LTBP4: variants seen among roughly 807,000 people sequenced by gnomAD.
LTBP4 encodes the protein latent transforming growth factor beta binding protein 4, also known as latent-transforming growth factor beta-binding protein 4.
In LTBP4, 93 loss-of-function variants were observed where a neutral mutation model predicts 180.2. The ratio of observed to expected loss-of-function variants is 0.52; its 90% CI spans 0.44 to 0.61. The LOEUF (loss-of-function observed/expected upper bound fraction) is 0.61, where lower values mean the gene tolerates loss of function less well. Among genes scored for constraint, LTBP4 ranks in the 20% least tolerant of loss-of-function variants. LTBP4 has a pLI of 0.00. For synonymous variants in LTBP4, 947 were observed against 934.5 expected, an observed-to-expected ratio of 1.01 and a Z score of -0.24; for missense variants, 2,116 against 2,256.5, an observed-to-expected ratio of 0.94 and a Z score of 1.26.
Position 40,613,522 on chromosome 19 carries a change from T to C in LTBP4, c.2550T>C (p.Ser850=), listed in dbSNP as rs1189819502. Residue 850 remains serine (S), a synonymous_variant, in exon 17 of 30, where the codon TCT becomes TCC. Coordinates refer to ENST00000396819, the MANE Select transcript of LTBP4 (RefSeq NM_001042545.2). The surrounding 1 kb of genome is among the most constrained non-coding windows in gnomAD (Gnocchi z 5.0). ...ACCGACCCGGACCCCGCGGAGCCTC[T>C]TGCCTCGGTTCGTACCCGGGCTGAT... ...PGYRPGPRGA[S]CLDVDECSEE... 3 of 1,568,346 alleles carry C rather than the reference T, an allele frequency of 1.9e-6. No homozygotes were observed. Among genetic ancestry groups the C allele is most frequent in the East Asian group, 4.7e-5 (2 of 42,258 alleles).
rs2146024817 is a variant in LTBP4, at chr19:40,608,250, C to T, written c.1187C>T (p.Pro396Leu). Reference sequence around the variant, plus strand: ...TTCCGGGAGATCTGCCCGGCTGGTCCTGGTTACCACTACTCGGCCTCCGAC... The same window carrying T: ...TTCCGGGAGATCTGCCCGGCTGGTCTTGGTTACCACTACTCGGCCTCCGAC... ...EGFREICPAGPGYHYSASDLR... is the reference protein window; with the variant it reads ...EGFREICPAGLGYHYSASDLR... Residue 396 changes from proline (P) to leucine (L), a missense_variant, in exon 8 of 30, where the codon CCT becomes CTT. Coordinates refer to ENST00000396819, the MANE Select transcript of LTBP4 (RefSeq NM_001042545.2). The T allele has an allele frequency of 6.2e-7, 1 of 1,613,980 alleles. No individual in the cohort carries two copies. Among genetic ancestry groups the T allele is most frequent in the Admixed American group, 1.7e-5 (1 of 60,024 alleles).
chr19:40,627,299 A>C lies in LTBP4; in HGVS notation c.4310A>C (p.Asp1437Ala), dbSNP rs1442538960. Reference protein sequence around the residue: ...PGTRWPYRSRDTRRSFPEPEE... With the variant: ...PGTRWPYRSRATRRSFPEPEE... ...ACCCGCTGGCCCTATCGGTCCCGGG[A>C]CACCCGCCGCTCCTTCCCAGAGCCC... is the stretch of plus-strand genomic sequence containing the variant. Residue 1437 changes from aspartate to alanine, a missense_variant, in exon 28 of 30, where the codon GAC becomes GCC. Asp to Ala is a moderately radical substitution (Grantham distance 126). Coordinates refer to ENST00000396819, the MANE Select transcript of LTBP4 (RefSeq NM_001042545.2). 1 of 1,494,436 alleles carries C rather than the reference A, an allele frequency of 6.7e-7. No individual in the cohort carries two copies. Among genetic ancestry groups the C allele is most frequent in the Admixed American group, 2.0e-5 (1 of 49,432 alleles). The allele number at this position is 1,494,436 out of a possible 1,614,324, so 92.6% of individuals were successfully genotyped here. A position where few individuals can be genotyped will look rare whatever the true frequency, so the allele number is the denominator to read the frequency against.
At chr19:40,597,859 C>A (rs1427721563), upstream of LTBP4, among the ~76,000 whole-genome samples, 1 of 147,416 alleles carries the variant, frequency 6.8e-6, no homozygotes, top group Non-Finnish European at 1.5e-5. Context: ...TTGGGTTTTT[C>A]GAATTGGTCA....
chr19:40,609,481 G>A lies in LTBP4; in HGVS notation c.1427-49G>A. ...GGTGGGGGTTTTACTGGGATGAAAG[G>A]AACGGAGGATTCAGAGATGGGGGAA... On this transcript the variant is annotated intron_variant, in intron 9 of 29. Transcript: ENST00000396819. The surrounding 1 kb of genome is among the most constrained non-coding windows in gnomAD (Gnocchi z 4.9). 6.3e-7 allele frequency: 1 copy of A among 1,599,452 alleles called. No individual in the cohort carries two copies. The highest frequency in any genetic ancestry group is 8.6e-7 in the Non-Finnish European group (1 of 1,169,156).
chr19:40,601,270 G>T (rs931233096), upstream of LTBP4: 221 of 817,094 alleles, frequency 2.7e-4, 1 homozygote, highest in African/African-American at 4.0e-3. Flanking sequence ...AGGGAGTGGT[G>T]AGGAGGGGGG....
At chr19:40,616,378 G>T (rs2081549269) in intron 19 of LTBP4, among the ~76,000 whole-genome samples, 1 of 151,114 alleles carries the variant, frequency 6.6e-6, no homozygotes, top group South Asian at 2.1e-4. Context: ...ATTGCCTGAG[G>T]TCAGAAGTTC....
chr19:40,597,374 C>G (rs1420778683), upstream of LTBP4: 14 of 1,516,422 alleles, frequency 9.2e-6, no homozygotes, highest in Non-Finnish European at 1.1e-5. Flanking sequence ...CCCAGCCGCC[C>G]GGCCAGGTAA....
In LTBP4 at chr19:40,608,265, C is replaced by T. The variant is rs375349461; in HGVS notation, c.1202C>T (p.Ser401Leu). The stretch of plus-strand genomic sequence containing the variant: ...CCGGCTGGTCCTGGTTACCACTACT[C>T]GGCCTCCGACCTCCGCTACAACACC... ...ICPAGPGYHY[S>L]ASDLRYNTRP... The change falls in exon 8 of 30, where the codon TCG becomes TTG. Residue 401 changes from serine (S) to leucine (L), a missense_variant. Physicochemically the swap from Ser to Leu is moderately radical, Grantham distance 145 (BLOSUM62 -2). Coordinates refer to ENST00000396819, the MANE Select transcript of LTBP4 (RefSeq NM_001042545.2). 7 of 1,613,802 alleles carry T rather than the reference C, an allele frequency of 4.3e-6. No homozygotes were observed. The highest frequency in any genetic ancestry group is 1.1e-5 in the South Asian group (1 of 91,066).
intron 22 of LTBP4, among the ~76,000 whole-genome samples, chr19:40,620,162 G>A (rs924801745): frequency 2.6e-5 from 4 of 151,748 alleles, no homozygotes; most frequent in African/African-American, 9.7e-5. Context: ...TCAGGTGCCC[G>A]ATCACACTGA....
At chr19:40,628,306 C>T (rs1244658011) in intron 29 of LTBP4, among the ~76,000 whole-genome samples, 2 of 152,072 alleles carry the variant, frequency 1.3e-5, no homozygotes, top group Admixed American at 6.5e-5. Flanking sequence ...TTTGGGAGGC[C>T]GAGGCGGGCG....
chr19:40,627,872 G>C lies in LTBP4; in HGVS notation c.4519+15G>C, dbSNP rs774647947. The C allele has an allele frequency of 1.9e-6, 3 of 1,552,918 alleles. No individual in the cohort carries two copies. In the Middle Eastern group the frequency reaches 5.1e-4, roughly 263 times the overall value. On this transcript the variant is annotated intron_variant, in intron 29 of 29. Coordinates refer to ENST00000396819, the MANE Select transcript of LTBP4 (RefSeq NM_001042545.2). ...GGCCTGCGTTGGTGAGGGCGGGCCC[G>C]GGGCCAGCATGCGCAGGGAGAGGCG... is the stretch of plus-strand genomic sequence containing the variant.
Position 40,624,041 on chromosome 19 carries a change from G to C in LTBP4, c.3791G>C (p.Gly1264Ala), listed in dbSNP as rs760319218. ...TGCGAGCCCCCACTGGTGCTGGATG[G>C]CTCGCAGCGCCGCTGCGTCTCCAAC... ...CTCEPPLVLD[G>A]SQRRCVSNES... is the part of the protein sequence containing the mutation. Residue 1264 changes from glycine to alanine, a missense_variant, in exon 26 of 30, where the codon GGC (glycine) becomes GCC (alanine). This residue lies in a region of LTBP4 where 488 missense variants were observed against 458.8 expected (regional missense o/e 1.06). Coordinates refer to ENST00000396819, the MANE Select transcript of LTBP4 (RefSeq NM_001042545.2). 46 of 1,595,266 alleles carry C rather than the reference G, an allele frequency of 2.9e-5. No individual in the cohort carries two copies. The highest frequency in any genetic ancestry group is 3.9e-5 in the Non-Finnish European group (45 of 1,168,136).
chr19:40,619,768 AGG>A (rs1398577416), intron 22 of LTBP4, among the ~76,000 whole-genome samples: 3 of 152,230 alleles, frequency 2.0e-5, no homozygotes, highest in Non-Finnish European at 4.4e-5. Flanking sequence ...AGTGACCAGA[AGG>A]GATCACTGTC....
In LTBP4 at chr19:40,608,296, C is replaced by T. The variant is rs745960860; in HGVS notation, c.1233C>T (p.Pro411=). The part of the protein sequence containing the change: ...SASDLRYNTR[P]LGQEPPRVSL... ...CCGACCTCCGCTACAACACCAGACCCCTGGGCCAGGAGCCACCCCGAGTGT... is the reference window on the plus strand; with the variant it reads ...CCGACCTCCGCTACAACACCAGACCTCTGGGCCAGGAGCCACCCCGAGTGT... Residue 411 remains proline, a synonymous_variant, in exon 8 of 30, where the codon CCC becomes CCT. Transcript: ENST00000396819. 2 of 1,613,886 alleles carry T rather than the reference C, an allele frequency of 1.2e-6. No individual in the cohort carries two copies. Among genetic ancestry groups the T allele is most frequent in the South Asian group, 2.2e-5 (2 of 91,070 alleles).
rs2081659595 is a variant in LTBP4, at chr19:40,629,282, T to G, written c.4520-114T>G. ...AGTTAGCAGATGGCAGAGGCCAGAT[T>G]GGACTCCAAACTGCTCAGCATCTGT... On this transcript the variant is annotated intron_variant, in intron 29 of 29. Transcript: ENST00000396819. This position sits in a 1 kb window ranked among gnomAD's most constrained non-coding sequence, Gnocchi z 4.5. The G allele has an allele frequency of 1.4e-6, 2 of 1,396,142 alleles. No homozygotes were observed. The highest frequency in any genetic ancestry group is 2.0e-6 in the Non-Finnish European group (2 of 990,992). The allele number at this position is 1,396,142 out of a possible 1,614,324, so 86.5% of individuals were successfully genotyped here. A position where few individuals can be genotyped will look rare whatever the true frequency, so the allele number is the denominator to read the frequency against.
Position 40,611,643 on chromosome 19 carries a change from C to T in LTBP4, c.2054-216C>T, listed in dbSNP as rs969141113. On this transcript the variant is annotated intron_variant, in intron 13 of 29. Transcript: ENST00000396819. This position sits in a 1 kb window ranked among gnomAD's most constrained non-coding sequence, Gnocchi z 4.4. ...GAGGAGGGGGTCACCTGAGGCAGGG[C>T]AGGCAACATGGAGTTGGTGCCTTAG... 6.6e-6 allele frequency among the ~76,000 whole-genome samples: 1 copy of T among 152,160 alleles called. No homozygotes were observed. Among genetic ancestry groups the T allele is most frequent in the African/African-American group, 2.4e-5 (1 of 41,432 alleles).
chr19:40,629,038 C>T lies in LTBP4; in HGVS notation c.4520-358C>T, dbSNP rs1239501935. Among the ~76,000 whole-genome samples, 2 of 151,960 alleles carry T rather than the reference C, an allele frequency of 1.3e-5. No homozygotes were observed. Among genetic ancestry groups the T allele is most frequent in the African/African-American group, 2.4e-5 (1 of 41,368 alleles). ...CTAATTTTTGTATTCTTAGTAGAGA[C>T]GGGGTCTCACCATGTTGGCCAGGTT... is the stretch of plus-strand genomic sequence containing the variant. On this transcript the variant is annotated intron_variant, in intron 29 of 29. Transcript: ENST00000396819. The surrounding 1 kb of genome is among the most constrained non-coding windows in gnomAD (Gnocchi z 4.5).
chr19:40,614,901 C>A (rs2081535982), intron 19 of LTBP4, among the ~76,000 whole-genome samples: 1 of 152,180 alleles, frequency 6.6e-6, no homozygotes, highest in Non-Finnish European at 1.5e-5. Context: ...CATTCTTTCC[C>A]AATGAGAAAT....
intron 29 of LTBP4, 31 bp downstream of exon 29, chr19:40,627,888 G>A (rs1262644605): frequency 1.9e-6 from 3 of 1,543,536 alleles, no homozygotes; most frequent in Non-Finnish European, 2.6e-6. Context: ...AGCATGCGCA[G>A]GGAGAGGCGA....
Sources: allele counts gnomAD v4.1 joint callset (sites outside exome capture counted in the v4.1 genomes callset), GRCh38; gene constraint gnomAD v4.1.1; regional missense constraint gnomAD v4.1.1; non-coding constraint Gnocchi (gnomAD v3.1); transcripts MANE v1.5; gene names NCBI Gene and HGNC (gene_info 2026-07-23, HGNC 2026-07-21).